The following SLFN13 variants were observed in gnomAD, a reference collection of about 807,000 sequenced individuals.
The protein encoded by SLFN13 is schlafen family member 13.
Under a neutral mutation model 50.6 loss-of-function variants are expected in SLFN13, and 43 were observed. The observed-to-expected ratio is 0.85, with a 90% confidence interval of 0.67 to 1.09. The LOEUF (loss-of-function observed/expected upper bound fraction) is 1.09. SLFN13 is among the 50% of genes least tolerant of loss of function. The pLI is 0.00. For synonymous variants in SLFN13, 339 were observed against 386.5 expected (o/e 0.88, Z 1.44); for missense variants, 881 against 1,071.1 (o/e 0.82, Z 2.48).
rs749695121 is a variant in SLFN13, at chr17:35,443,878, C to G, written c.1109G>C (p.Ser370Thr). 3 of 1,613,906 alleles carry G rather than the reference C, an allele frequency of 1.9e-6. No homozygotes were observed. Among genetic ancestry groups the G allele is most frequent in the Middle Eastern group, 1.7e-4 (1 of 6,060 alleles). ...GCAAAGTGAAGGACTGTCAGATAGA[C>G]TCAACTGAGACTCAAAGGCCTCAGC... ...DFAEAFESQL[S>T]LSDSPSLCRP... is the part of the protein sequence containing the mutation. Residue 370 changes from serine to threonine, a missense_variant, in exon 4 of 6, where the codon AGT becomes ACT. Transcript: ENST00000285013.
chr17:35,447,885 G>GTTTTGTTTTGT (rs1567866050), intron 1 of SLFN13, among the ~76,000 whole-genome samples: 1 of 146,176 alleles, frequency 6.8e-6, no homozygotes, highest in Non-Finnish European at 1.5e-5. Flanking sequence ...GTTTTGTTTT[G>GTTTTGTTTTGT]TTTTGTTTTT....
In SLFN13 at chr17:35,440,976, T is replaced by G. The variant is rs781200231; in HGVS notation, c.2313A>C (p.Pro771=). 3 of 1,612,984 alleles carry G rather than the reference T, an allele frequency of 1.9e-6. No individual in the cohort carries two copies. Among genetic ancestry groups the G allele is most frequent in the Non-Finnish European group, 2.5e-6 (3 of 1,180,020 alleles). The change falls in exon 6 of 6, where the codon CCA becomes CCC. Residue 771 remains proline (P), a synonymous_variant. Transcript: ENST00000285013. ...TAATCTTTGTGTTGCCTGGAACACCTGGAACCCATTTAGCTTCACTGAGAA... is the reference window on the plus strand; with the variant it reads ...TAATCTTTGTGTTGCCTGGAACACCGGGAACCCATTTAGCTTCACTGAGAA... The part of the protein sequence containing the change: ...LAILSEAKWV[P]GVPGNTKIIK...
rs1912848645 is a variant in SLFN13, at chr17:35,441,077, C to T, written c.2212G>A (p.Ala738Thr). ...TRVVRNADEI[A>T]EYIQQEMQLI... Reference sequence around the variant, plus strand: ...TGCATTTCTTGTTGTATGTACTCGGCTATTTCATCTGCATTGCGAACTACT... The same window carrying T: ...TGCATTTCTTGTTGTATGTACTCGGTTATTTCATCTGCATTGCGAACTACT... The change falls in exon 6 of 6, where the codon GCC becomes ACC. Residue 738 changes from alanine to threonine, a missense_variant. Ala to Thr is a moderately conservative substitution (Grantham distance 58). Around this residue, in one of 5 missense-constraint regions of SLFN13, gnomAD observed 322 missense variants for 327.4 expected, o/e 0.98. Coordinates refer to ENST00000285013, the MANE Select transcript of SLFN13 (RefSeq NM_144682.6). 1 of 1,613,830 alleles carries T rather than the reference C, an allele frequency of 6.2e-7. No individual in the cohort carries two copies. Among genetic ancestry groups the T allele is most frequent in the Non-Finnish European group, 8.5e-7 (1 of 1,180,006 alleles).
rs1474125823 is a variant in SLFN13, at chr17:35,440,770, T to C, written c.2519A>G (p.Asp840Gly). 6.2e-7 allele frequency: 1 copy of C among 1,614,060 alleles called. No individual in the cohort carries two copies. Residue 840 changes from aspartate to glycine, a missense_variant, in exon 6 of 6, where the codon GAT becomes GGT. Transcript: ENST00000285013. ...MRKKMVVQLS[D>G]ACDMLGVHIV... ...GTGCACACCCAACATATCACATGCA[T>C]CACTGAGCTGCACCACCATTTTCTT...
At chr17:35,448,899 G>C (rs1401059932), upstream of SLFN13, 4 of 152,446 alleles carry the variant, frequency 2.6e-5, no homozygotes, top group African/African-American at 9.6e-5. Context: ...TACAAAGCCC[G>C]GGAACACTTT....
chr17:35,441,066 T>C lies in SLFN13; in HGVS notation c.2223A>G (p.Ile741Met), dbSNP rs915546653. The C allele has an allele frequency of 1.2e-6, 2 of 1,613,934 alleles. No homozygotes were observed. Among genetic ancestry groups the C allele is most frequent in the Non-Finnish European group, 1.7e-6 (2 of 1,180,022 alleles). The change falls in exon 6 of 6, where the codon ATA (isoleucine) becomes ATG (methionine). Residue 741 changes from isoleucine to methionine, a missense_variant. Around this residue, in one of 5 missense-constraint regions of SLFN13, gnomAD observed 322 missense variants for 327.4 expected, o/e 0.98. Coordinates refer to ENST00000285013, the MANE Select transcript of SLFN13 (RefSeq NM_144682.6). ...CTATAATTAGTTGCATTTCTTGTTG[T>C]ATGTACTCGGCTATTTCATCTGCAT... The part of the protein sequence containing the change: ...VRNADEIAEY[I>M]QQEMQLIIEN...
At chr17:35,446,481 A>G (rs1913218465) in intron 2 of SLFN13, among the ~76,000 whole-genome samples, 1 of 152,184 alleles carries the variant, frequency 6.6e-6, no homozygotes, top group Non-Finnish European at 1.5e-5. Context: ...GCCATTTAGT[A>G]CTGTTATATT....
rs751045900 is a variant in SLFN13 at position 35,445,387 on chromosome 17, A to G, written c.294T>C (p.Thr98=). 5 of 1,614,210 alleles carry G rather than the reference A, an allele frequency of 3.1e-6. No homozygotes were observed. In the Admixed American group the frequency reaches 8.3e-5, roughly 27 times the overall value. The change falls in exon 3 of 6, where the codon ACT becomes ACC. Residue 98 remains threonine (T), a synonymous_variant. Coordinates refer to ENST00000285013, the MANE Select transcript of SLFN13 (RefSeq NM_144682.6). The stretch of plus-strand genomic sequence containing the variant: ...TATAAAAACACCTTCCGTGTTGCTT[A>G]GTCTCAAAGAAAGCCTGCAAATATG... The part of the protein sequence containing the change: ...QYPYLQAFFE[T]KQHGRCFYIF...
At position 35,437,798 on chromosome 17, in the gene SLFN13, T is replaced by G. The variant is rs898783974; in HGVS notation, c.*2797A>C. On this transcript the variant is annotated 3_prime_UTR_variant, in exon 6 of 6. Transcript: ENST00000285013. ...AACTTTCTGTACTATGCTTGCAACTTTTCTATATGTCTGAACTAAAATAAA... is the reference window on the plus strand; with the variant it reads ...AACTTTCTGTACTATGCTTGCAACTGTTCTATATGTCTGAACTAAAATAAA... 5 of 152,156 alleles carry G rather than the reference T, an allele frequency of 3.3e-5. No individual in the cohort carries two copies. Among genetic ancestry groups the G allele is most frequent in the Admixed American group, 2.0e-4 (3 of 15,272 alleles). 9.4% of individuals were successfully genotyped at this position (152,156 alleles called of 1,614,324 possible).
At position 35,446,441 on chromosome 17, in the gene SLFN13, G is replaced by C. The variant is rs577598645; in HGVS notation, c.-13-748C>G. Among the ~76,000 whole-genome samples, 54 of 152,302 alleles carry C rather than the reference G, an allele frequency of 3.5e-4. 1 individual carries two copies. The highest frequency in any genetic ancestry group is 1.2e-3 in the African/African-American group (51 of 41,562). Reference sequence around the variant, plus strand: ...AGGGGCTAAGGTCTTGGAGAACAGAGTCAATGAAGATGGCTTGAATTCCAG... The same window carrying C: ...AGGGGCTAAGGTCTTGGAGAACAGACTCAATGAAGATGGCTTGAATTCCAG... On this transcript the variant is annotated intron_variant, in intron 2 of 5. Coordinates refer to ENST00000285013, the MANE Select transcript of SLFN13 (RefSeq NM_144682.6).
rs1341024198 is a variant in SLFN13 at position 35,438,496 on chromosome 17, T to C, written c.*2099A>G. ...CTTTTAAAGAATTACTCTCAAAGGCTGAAATAACTCCAAAGACCAGGGAGT... is the reference window on the plus strand; with the variant it reads ...CTTTTAAAGAATTACTCTCAAAGGCCGAAATAACTCCAAAGACCAGGGAGT... On this transcript the variant is annotated 3_prime_UTR_variant, in exon 6 of 6. Coordinates refer to ENST00000285013, the MANE Select transcript of SLFN13 (RefSeq NM_144682.6). The C allele has an allele frequency of 6.6e-6, 1 of 152,138 alleles. No individual in the cohort carries two copies. The highest frequency in any genetic ancestry group is 2.4e-5 in the African/African-American group (1 of 41,462). 9.4% of individuals were successfully genotyped at this position (152,138 alleles called of 1,614,324 possible).
intron 3 of SLFN13, 93 bp downstream of exon 3, chr17:35,444,522 G>T: frequency 9.0e-7 from 1 of 1,114,168 alleles, no homozygotes. Flanking sequence ...AATTTCAGTG[G>T]GTGTGAGAAG....
Position 35,437,334 on chromosome 17 carries a change from G to C in SLFN13, c.*3261C>G, listed in dbSNP as rs1294984274. On this transcript the variant is annotated 3_prime_UTR_variant, in exon 6 of 6. Coordinates refer to ENST00000285013, the MANE Select transcript of SLFN13 (RefSeq NM_144682.6). ...GGCCTCTGGAATAGCTAGGACTGCA[G>C]GAGCACACCACCACACCCAGATAAT... 1 of 151,964 alleles carries C rather than the reference G, an allele frequency of 6.6e-6. No homozygotes were observed. Among genetic ancestry groups the C allele is most frequent in the African/African-American group, 2.4e-5 (1 of 41,356 alleles). The allele number at this position is 151,964 out of a possible 1,614,324, so 9.4% of individuals were successfully genotyped here.
chr17:35,441,448 C>T, intron 5 of SLFN13, 82 bp from the exon 6 acceptor site: 4 of 1,580,994 alleles, frequency 2.5e-6, no homozygotes, highest in Non-Finnish European at 2.6e-6. Flanking sequence ...CCTCCGAGCA[C>T]AGTATATTGC....
At position 35,441,692 on chromosome 17, in the gene SLFN13, T is replaced by G. The variant is rs1912903902; in HGVS notation, c.1793A>C (p.His598Pro). 6.3e-7 allele frequency: 1 copy of G among 1,599,622 alleles called. No homozygotes were observed. Among genetic ancestry groups the G allele is most frequent in the East Asian group, 2.2e-5 (1 of 44,660 alleles). ...GGTCTTCCCTGAGCCAGGTAAGCCG[T>G]GGACAAACAACTCTCTGTTCTTGCG... ...SLRKNRELFV[H>P]GLPGSGKTIM... The change falls in exon 5 of 6, where the codon CAC becomes CCC. Residue 598 changes from histidine (H) to proline (P), a missense_variant. His to Pro is a moderately conservative substitution (Grantham distance 77). Around this residue, in one of 5 missense-constraint regions of SLFN13, gnomAD observed 25 missense variants for 64.4 expected, o/e 0.39. Coordinates refer to ENST00000285013, the MANE Select transcript of SLFN13 (RefSeq NM_144682.6).
rs904597210 is a variant in SLFN13 at position 35,438,803 on chromosome 17, T to A, written c.*1792A>T. ...ATATTGGGCATGTGGTTTCTTAATT[T>A]TCATTAGTTATGCAAATATTTTATT... On this transcript the variant is annotated 3_prime_UTR_variant, in exon 6 of 6. Coordinates refer to ENST00000285013, the MANE Select transcript of SLFN13 (RefSeq NM_144682.6). 2.0e-5 allele frequency: 3 copies of A among 152,128 alleles called. No homozygotes were observed. The highest frequency in any genetic ancestry group is 7.2e-5 in the African/African-American group (3 of 41,448). The allele number at this position is 152,128 out of a possible 1,614,324, so 9.4% of individuals were successfully genotyped here.
chr17:35,440,757 C>T lies in SLFN13; in HGVS notation c.2532G>A (p.Met844Ile), dbSNP rs766137208. The T allele has an allele frequency of 6.2e-7, 1 of 1,614,002 alleles. No individual in the cohort carries two copies. The highest frequency in any genetic ancestry group is 1.3e-5 in the African/African-American group (1 of 74,930). Residue 844 changes from methionine (M) to isoleucine (I), a missense_variant, in exon 6 of 6, where the codon ATG becomes ATA. Transcript: ENST00000285013. ...MVVQLSDACDMLGVHIVLDSV... is the reference protein window; with the variant it reads ...MVVQLSDACDILGVHIVLDSV... ...TGTCCAACACAATGTGCACACCCAACATATCACATGCATCACTGAGCTGCA... is the reference window on the plus strand; with the variant it reads ...TGTCCAACACAATGTGCACACCCAATATATCACATGCATCACTGAGCTGCA...
rs7217701 is a variant in SLFN13 at position 35,445,823 on chromosome 17, A to G, written c.-13-130T>C. On this transcript the variant is annotated intron_variant, in intron 2 of 5. Coordinates refer to ENST00000285013, the MANE Select transcript of SLFN13 (RefSeq NM_144682.6). Reference sequence around the variant, plus strand: ...TAAGACAATAGCAAGAAAGACAGGTATAGTCTCTTTAGGAGCTGACTGGCT... The same window carrying G: ...TAAGACAATAGCAAGAAAGACAGGTGTAGTCTCTTTAGGAGCTGACTGGCT... 4.1e-3 allele frequency: 3,278 copies of G among 795,698 alleles called. 79 individuals carry two copies. The African/African-American group carries it at 0.051, about 12-fold the overall frequency. 49.3% of individuals were successfully genotyped at this position (795,698 alleles called of 1,614,324 possible).
rs1436939282 is a variant in SLFN13, at chr17:35,438,393, T to G, written c.*2202A>C. ...GAACAAAAATTCATAAATATTTATA[T>G]ATTTTAAAATATGATACTGTTTCAA... On this transcript the variant is annotated 3_prime_UTR_variant, in exon 6 of 6. Transcript: ENST00000285013. 1.3e-5 allele frequency: 2 copies of G among 151,972 alleles called. No individual in the cohort carries two copies. Among genetic ancestry groups the G allele is most frequent in the African/African-American group, 4.8e-5 (2 of 41,434 alleles). The allele number at this position is 151,972 out of a possible 1,614,324, so 9.4% of individuals were successfully genotyped here.
Sources: allele counts gnomAD v4.1 joint callset (sites outside exome capture counted in the v4.1 genomes callset), GRCh38; gene constraint gnomAD v4.1.1; regional missense constraint gnomAD v4.1.1; transcripts MANE v1.5; gene names NCBI Gene and HGNC (gene_info 2026-07-23, HGNC 2026-07-21).